AUTS2: variants seen among roughly 807,000 people sequenced by gnomAD.
AUTS2 encodes the protein activator of transcription and developmental regulator AUTS2.
Under a neutral mutation model 112.4 loss-of-function variants are expected in AUTS2, and 17 were observed. The ratio of observed to expected loss-of-function variants is 0.15; its 90% CI spans 0.10 to 0.23. AUTS2 has a LOEUF of 0.23. AUTS2 is among the 10% of genes least tolerant of loss of function. The pLI is 1.00. For synonymous variants in AUTS2, 751 were observed against 702.7 expected (o/e 1.07, Z -1.09); for missense variants, 1,510 against 1,701.6 (o/e 0.89, Z 1.98).
At chr7:69,615,854 G>A (rs911105362) in intron 1 of AUTS2, among the ~76,000 whole-genome samples, 1 of 152,170 alleles carries the variant, frequency 6.6e-6, no homozygotes, top group African/African-American at 2.4e-5. Context: ...GTAGCATGCT[G>A]ACAGCAATAG....
chr7:70,090,890 GCTGGTCTGGAACTCCTGAC>G (rs1306370954), intron 2 of AUTS2, among the ~76,000 whole-genome samples: 2 of 152,036 alleles, frequency 1.3e-5, no homozygotes, highest in African/African-American at 4.8e-5. Context: ...TGTTGGCCAG[GCTGGTCTGGAACTCCTGAC>G]CTCAAGTAAT....
intron 6 of AUTS2, among the ~76,000 whole-genome samples, chr7:70,752,731 G>A (rs1009888587): frequency 2.0e-5 from 3 of 152,128 alleles, no homozygotes; most frequent in African/African-American, 7.2e-5. Context: ...ACATTGTTGA[G>A]TTTCTAAAGA....
intron 1 of AUTS2, among the ~76,000 whole-genome samples, chr7:69,722,166 T>A (rs886592064): frequency 0.012 from 1,765 of 147,474 alleles, 14 homozygotes; most frequent in Non-Finnish European, 0.021. Context: ...AAAAAAAAAA[T>A]AAAAAGCAAT....
At chr7:70,758,358 G>A (rs756558349) in intron 6 of AUTS2, among the ~76,000 whole-genome samples, 7 of 152,004 alleles carry the variant, frequency 4.6e-5, no homozygotes, top group Non-Finnish European at 7.4e-5. Flanking sequence ...TTGTTATTTT[G>A]CTAAACCTCC....
intron 4 of AUTS2, among the ~76,000 whole-genome samples, chr7:70,234,705 G>T (rs1173376728): frequency 6.6e-6 from 1 of 152,154 alleles, no homozygotes; most frequent in Non-Finnish European, 1.5e-5. Flanking sequence ...TTTGTATTGG[G>T]CTATTTGGGT....
At chr7:69,999,529 A>T (rs117152536) in intron 2 of AUTS2, among the ~76,000 whole-genome samples, 2 of 152,324 alleles carry the variant, frequency 1.3e-5, no homozygotes, top group Non-Finnish European at 2.9e-5. Context: ...GTTGGTTATC[A>T]AAGAGTGTTT....
At chr7:70,115,882 C>G (rs1415328080) in intron 2 of AUTS2, among the ~76,000 whole-genome samples, 1 of 152,114 alleles carries the variant, frequency 6.6e-6, no homozygotes, top group South Asian at 2.1e-4. Context: ...AAGATCTGAG[C>G]TTTAAAAAAC....
intron 5 of AUTS2, among the ~76,000 whole-genome samples, chr7:70,610,397 C>T (rs569226082): frequency 7.1e-4 from 106 of 148,300 alleles, no homozygotes; most frequent in African/African-American, 2.5e-3. Flanking sequence ...TTTTTCTCCA[C>T]ATTCTCACCA....
chr7:70,345,745 T>C (rs1168332442), intron 4 of AUTS2, among the ~76,000 whole-genome samples: 2 of 152,208 alleles, frequency 1.3e-5, no homozygotes, highest in African/African-American at 4.8e-5. Flanking sequence ...CTCATGACTT[T>C]CTTCAAGCAT....
chr7:70,550,917 G>A (rs1244078961), intron 5 of AUTS2, among the ~76,000 whole-genome samples: 2 of 152,104 alleles, frequency 1.3e-5, no homozygotes, highest in African/African-American at 4.8e-5. Context: ...ACTCCTGAGT[G>A]AAATGGTTGC....
intron 4 of AUTS2, among the ~76,000 whole-genome samples, chr7:70,346,990 C>T (rs1384842129): frequency 1.3e-5 from 2 of 152,196 alleles, no homozygotes; most frequent in African/African-American, 4.8e-5. Flanking sequence ...TCCGTGCCAT[C>T]TCAGTGCTTG....
chr7:70,320,895 T>G (rs1302650361), intron 4 of AUTS2, among the ~76,000 whole-genome samples: 1 of 152,182 alleles, frequency 6.6e-6, no homozygotes. Context: ...GGCTCTTGTC[T>G]GTCCATCTCA....
chr7:70,472,524 A>C (rs1482859566), intron 5 of AUTS2, among the ~76,000 whole-genome samples: 1 of 152,140 alleles, frequency 6.6e-6, no homozygotes, highest in Non-Finnish European at 1.5e-5. Context: ...ATTTATGTAC[A>C]CTATATTTGC....
intron 1 of AUTS2, among the ~76,000 whole-genome samples, chr7:69,690,183 T>G (rs1421412191): frequency 6.6e-6 from 1 of 152,238 alleles, no homozygotes; most frequent in Non-Finnish European, 1.5e-5. Flanking sequence ...ATATTAGTCA[T>G]GATTTGAATA....
At chr7:69,778,230 A>G (rs777237433) in intron 1 of AUTS2, among the ~76,000 whole-genome samples, 12 of 77,920 alleles carry the variant, frequency 1.5e-4, no homozygotes, top group Admixed American at 6.1e-4. Context: ...TTATCCCCAT[A>G]TATATATATA....
At chr7:69,757,598 T>C (rs1017373498) in intron 1 of AUTS2, among the ~76,000 whole-genome samples, 14 of 152,218 alleles carry the variant, frequency 9.2e-5, no homozygotes, top group Non-Finnish European at 1.3e-4. Flanking sequence ...GACACAGTAA[T>C]GTACACTTTA....
intron 2 of AUTS2, among the ~76,000 whole-genome samples, chr7:70,047,655 T>C (rs1165861380): frequency 1.3e-5 from 2 of 152,126 alleles, no homozygotes; most frequent in Non-Finnish European, 2.9e-5. Context: ...TCACTCTTAG[T>C]ATTGGTATTG....
At chr7:69,826,182 T>C (rs1341640805) in intron 1 of AUTS2, among the ~76,000 whole-genome samples, 1 of 152,180 alleles carries the variant, frequency 6.6e-6, no homozygotes, top group Non-Finnish European at 1.5e-5. Flanking sequence ...GGTTTGTAGA[T>C]TGAGAAGTAT....
At chr7:70,565,472 A>G (rs1055644169) in intron 5 of AUTS2, among the ~76,000 whole-genome samples, 5 of 152,152 alleles carry the variant, frequency 3.3e-5, no homozygotes, top group Admixed American at 2.0e-4. Flanking sequence ...TGAGCCTAGG[A>G]ATTCAAGACC....
Sources: allele counts gnomAD v4.1 joint callset (sites outside exome capture counted in the v4.1 genomes callset), GRCh38; gene constraint gnomAD v4.1.1; transcripts MANE v1.5; gene names NCBI Gene and HGNC (gene_info 2026-07-23, HGNC 2026-07-21).